IQGAP2: variants seen among roughly 807,000 people sequenced by gnomAD.
The protein encoded by IQGAP2 is ras GTPase-activating-like protein IQGAP2.
Under a neutral mutation model 201.3 loss-of-function variants are expected in IQGAP2, and 173 were observed. That is an observed-to-expected ratio of 0.86 (90% CI 0.76 to 0.98). IQGAP2 has a LOEUF of 0.98. Among genes scored for constraint, IQGAP2 ranks in the 50% least tolerant of loss-of-function variants. The pLI is 0.00. For synonymous variants in IQGAP2, 675 were observed against 673.9 expected (o/e 1.00, Z -0.03); for missense variants, 1,687 against 1,864.8 (o/e 0.90, Z 1.76).
chr5:76,575,224 A>ATG (rs10657778), intron 4 of IQGAP2, among the ~76,000 whole-genome samples: 45,179 of 151,380 alleles, frequency 0.3, 6,805 homozygotes, highest in South Asian at 0.52. Flanking sequence ...GATTTTTTAA[A>ATG]TGTGTGTGTG....
rs560848590 is a variant in IQGAP2 at position 76,498,181 on chromosome 5, G to T, written c.146+36512G>T. Reference sequence around the variant, plus strand: ...TGACATACATATTCAAATTTAGAACGGAGAGATGCTTCAGCATTCTCTTGG... The same window carrying T: ...TGACATACATATTCAAATTTAGAACTGAGAGATGCTTCAGCATTCTCTTGG... On this transcript the variant is annotated intron_variant, in intron 2 of 35. Transcript: ENST00000274364. Among the ~76,000 whole-genome samples, 21 of 152,204 alleles carry T rather than the reference G, an allele frequency of 1.4e-4. 1 individual carries two copies. The highest frequency in any genetic ancestry group is 2.9e-5 in the Non-Finnish European group (2 of 68,038).
intron 8 of IQGAP2, among the ~76,000 whole-genome samples, chr5:76,591,913 G>A (rs981536415): frequency 1.3e-5 from 2 of 152,102 alleles, no homozygotes; most frequent in Non-Finnish European, 2.9e-5. Context: ...AATGATGGCC[G>A]GGTTTGTCTC....
At chr5:76,525,754 CT>C (rs1473395216) in intron 2 of IQGAP2, among the ~76,000 whole-genome samples, 1 of 152,164 alleles carries the variant, frequency 6.6e-6, no homozygotes, top group Non-Finnish European at 1.5e-5. Flanking sequence ...TAAGAAAACA[CT>C]TATGGCACAG....
chr5:76,661,260 A>G (rs1452038450), intron 21 of IQGAP2, among the ~76,000 whole-genome samples: 2 of 152,304 alleles, frequency 1.3e-5, no homozygotes, highest in Non-Finnish European at 1.5e-5. Context: ...TAAAATCCTC[A>G]AAATCTGTAG....
chr5:76,439,177 A>T (rs1215711659), intron 1 of IQGAP2, among the ~76,000 whole-genome samples: 1 of 152,152 alleles, frequency 6.6e-6, no homozygotes, highest in African/African-American at 2.4e-5. Flanking sequence ...TTACTTTTGG[A>T]GTTGATTTCT....
rs73116094 is a variant in IQGAP2, at chr5:76,473,228, G to T, written c.146+11559G>T. On this transcript the variant is annotated intron_variant, in intron 2 of 35. Coordinates refer to ENST00000274364, the MANE Select transcript of IQGAP2 (RefSeq NM_006633.5). Reference sequence around the variant, plus strand: ...GTCTTGGTTTTTAGGTTCTATATGGGCTAGTTCTAGTTCTAGCTCTTGATC... The same window carrying T: ...GTCTTGGTTTTTAGGTTCTATATGGTCTAGTTCTAGTTCTAGCTCTTGATC... Among the ~76,000 whole-genome samples, 870 of 152,214 alleles carry T rather than the reference G, an allele frequency of 5.7e-3. 7 individuals are homozygous for T. The highest frequency in any genetic ancestry group is 0.02 in the African/African-American group (815 of 41,510).
At chr5:76,686,952 A>G (rs1218617994) in intron 30 of IQGAP2, among the ~76,000 whole-genome samples, 1 of 152,224 alleles carries the variant, frequency 6.6e-6, no homozygotes. Context: ...TGGATTTTCA[A>G]TTCTACTCCA....
intron 21 of IQGAP2, 73 bp downstream of exon 21, chr5:76,658,740 TG>T (rs1742981591): frequency 1.6e-6 from 2 of 1,263,338 alleles, no homozygotes; most frequent in African/African-American, 3.0e-5. Context: ...AGTCACTTAA[TG>T]ACAGGGATAC....
chr5:76,477,608 A>G (rs1755517705), intron 2 of IQGAP2, among the ~76,000 whole-genome samples: 1 of 152,174 alleles, frequency 6.6e-6, no homozygotes, highest in South Asian at 2.1e-4. Context: ...TTACTGCTTT[A>G]TGTATTTACT....
chr5:76,697,862 A>C, intron 32 of IQGAP2, 125 bp from the exon 33 acceptor site: 1 of 644,280 alleles, frequency 1.6e-6, no homozygotes, highest in Non-Finnish European at 2.6e-6. Flanking sequence ...AAGGTGCCTG[A>C]GATAAGCTAC....
intron 4 of IQGAP2, among the ~76,000 whole-genome samples, chr5:76,571,636 G>C (rs575565558): frequency 1.3e-5 from 2 of 152,314 alleles, no homozygotes; most frequent in South Asian, 4.1e-4. Context: ...GTCTGTGAGA[G>C]AATTAGGCAA....
intron 4 of IQGAP2, among the ~76,000 whole-genome samples, chr5:76,575,101 T>C (rs1434374432): frequency 1.3e-5 from 2 of 151,652 alleles, no homozygotes; most frequent in Non-Finnish European, 1.5e-5. Context: ...AGAAGAAAAA[T>C]AGGGACAAAA....
intron 1 of IQGAP2, among the ~76,000 whole-genome samples, chr5:76,427,776 C>T (rs570448475): frequency 5.3e-5 from 8 of 152,312 alleles, no homozygotes; most frequent in African/African-American, 1.2e-4. Context: ...GGCTCTGCTA[C>T]GGACCAGTTC....
chr5:76,654,545 A>G (rs550922607), intron 19 of IQGAP2, among the ~76,000 whole-genome samples: 2 of 152,320 alleles, frequency 1.3e-5, no homozygotes, highest in Non-Finnish European at 2.9e-5. Flanking sequence ...CTAGAGAAAT[A>G]TTTTACAGCA....
chr5:76,522,916 T>G (rs1418244955), intron 2 of IQGAP2, among the ~76,000 whole-genome samples: 1 of 152,154 alleles, frequency 6.6e-6, no homozygotes, highest in Non-Finnish European at 1.5e-5. Flanking sequence ...TTTATGTTTC[T>G]ATTTATTTCT....
Position 76,519,503 on chromosome 5 carries a change from G to A in IQGAP2, c.147-42893G>A, listed in dbSNP as rs57974016. 8.5e-3 allele frequency among the ~76,000 whole-genome samples: 1,299 copies of A among 152,276 alleles called. 19 individuals carry two copies. The highest frequency in any genetic ancestry group is 0.03 in the African/African-American group (1,232 of 41,558). Reference sequence around the variant, plus strand: ...ATGAATAGAGCTGTCATAGACATTCGTATACAGAGTTTTGTGTGAATATAG... The same window carrying A: ...ATGAATAGAGCTGTCATAGACATTCATATACAGAGTTTTGTGTGAATATAG... On this transcript the variant is annotated intron_variant, in intron 2 of 35. Transcript: ENST00000274364.
intron 2 of IQGAP2, among the ~76,000 whole-genome samples, chr5:76,496,713 TTTCTTTCTTTC>T (rs1372182646): frequency 1.1e-4 from 2 of 17,524 alleles, no homozygotes; most frequent in African/African-American, 4.7e-4. Context: ...TCTTTCTTTC[TTTCTTTCTTTC>T]TTTTCTTTCT....
chr5:76,492,929 A>G (rs556754904), intron 2 of IQGAP2, among the ~76,000 whole-genome samples: 1 of 152,264 alleles, frequency 6.6e-6, no homozygotes, highest in South Asian at 2.1e-4. Context: ...AATCCATAGG[A>G]GGTGATAAGG....
chr5:76,578,405 C>T (rs139227070), intron 5 of IQGAP2, among the ~76,000 whole-genome samples: 2,174 of 152,186 alleles, frequency 0.014, 24 homozygotes, highest in Non-Finnish European at 0.022. Flanking sequence ...CTCCACCTTC[C>T]GGGTTCAGGT....
Sources: gnomAD v4.1 joint callset for allele counts (sites outside exome capture counted in the v4.1 genomes callset) on GRCh38, gnomAD v4.1.1 for gene constraint, MANE v1.5 for transcripts, NCBI Gene and HGNC (gene_info 2026-07-23, HGNC 2026-07-21) for gene names.